The following NAA35 variants were observed in gnomAD, a reference collection of about 807,000 sequenced individuals.
NAA35 encodes N-alpha-acetyltransferase 35, NatC auxiliary subunit.
Under a neutral mutation model 101.7 loss-of-function variants are expected in NAA35, and 18 were observed. That is an observed-to-expected ratio of 0.18 (90% CI 0.12 to 0.26). The LOEUF (loss-of-function observed/expected upper bound fraction) is 0.26. NAA35 is among the 10% of genes least tolerant of loss of function. The pLI, the probability that NAA35 is intolerant of heterozygous loss-of-function variation, is 1.00. For missense variants in NAA35, 601 were observed against 886.8 expected (o/e 0.68, Z 4.09); for synonymous variants, 267 against 273.1 (o/e 0.98, Z 0.22).
intron 6 of NAA35, among the ~76,000 whole-genome samples, chr9:85,973,613 A>G (rs1370651905): frequency 6.6e-6 from 1 of 152,220 alleles, no homozygotes; most frequent in African/African-American, 2.4e-5. Flanking sequence ...AGTGCCATTT[A>G]GTGGTATGGT....
rs1027964774 is a variant in NAA35 at position 85,958,572 on chromosome 9, G to A, written c.259G>A (p.Glu87Lys). 3 of 1,608,604 alleles carry A rather than the reference G, an allele frequency of 1.9e-6. No homozygotes were observed. Among genetic ancestry groups the A allele is most frequent in the South Asian group, 2.2e-5 (2 of 90,470 alleles). ...AGTTAATCGAAAAGTTCTCAATTTT[G>A]AACAAGCTATCAAGGTAGTTACCAT... ...NQVNRKVLNF[E>K]QAIKDGTIKI... The change falls in exon 4 of 23, where the codon GAA becomes AAA. Residue 87 changes from glutamate (E) to lysine (K), a missense_variant. Transcript: ENST00000361671.
intron 13 of NAA35, among the ~76,000 whole-genome samples, chr9:86,006,858 A>G (rs1831666943): frequency 6.6e-6 from 1 of 152,248 alleles, no homozygotes; most frequent in South Asian, 2.1e-4. Flanking sequence ...ATTAAATACT[A>G]AAATACAGTG....
chr9:86,016,644 T>C lies in NAA35; in HGVS notation c.1674T>C (p.Arg558=). The change falls in exon 18 of 23, where the codon CGT becomes CGC. Residue 558 remains arginine (R), a synonymous_variant. Coordinates refer to ENST00000361671, the MANE Select transcript of NAA35 (RefSeq NM_024635.4). The part of the protein sequence containing the change: ...ERIMEEQQKG[R]SSKKTKKKKK... ...TAATGGAAGAGCAGCAGAAAGGCCG[T>C]AGTAGTAAAAAAACAAAGAAAAAAA... 1.2e-6 allele frequency: 2 copies of C among 1,613,600 alleles called. No homozygotes were observed. The highest frequency in any genetic ancestry group is 1.7e-6 in the Non-Finnish European group (2 of 1,179,880).
intron 11 of NAA35, among the ~76,000 whole-genome samples, chr9:85,984,954 A>G (rs1218225449): frequency 6.6e-6 from 1 of 152,230 alleles, no homozygotes; most frequent in Non-Finnish European, 1.5e-5. Context: ...TCTTACACCC[A>G]GGTTAAAAAA....
intron 11 of NAA35, among the ~76,000 whole-genome samples, chr9:85,978,739 C>A (rs1830317265): frequency 6.6e-6 from 1 of 152,092 alleles, no homozygotes; most frequent in Non-Finnish European, 1.5e-5. Context: ...AGGATGACAG[C>A]TGTTTCTCAA....
chr9:85,977,533 G>C, intron 10 of NAA35, 87 bp downstream of exon 10: 1 of 859,968 alleles, frequency 1.2e-6, no homozygotes, highest in Non-Finnish European at 2.0e-6. Context: ...CTTCTCCCTT[G>C]AAGTGCTCCT....
intron 11 of NAA35, among the ~76,000 whole-genome samples, chr9:85,979,146 A>T (rs1353297135): frequency 6.6e-6 from 1 of 152,108 alleles, no homozygotes; most frequent in Non-Finnish European, 1.5e-5. Flanking sequence ...GGCCATTTTT[A>T]CTTTCTGCAG....
At position 85,983,915 on chromosome 9, in the gene NAA35, A is replaced by G. The variant is rs115326537; in HGVS notation, c.877+5534A>G. ...GAAAAATAGGAAAGATAAAGATTAT[A>G]CTAGGCTTAGTCAAGAAAGGTCTAC... On this transcript the variant is annotated intron_variant, in intron 11 of 22. Transcript: ENST00000361671. 3.8e-3 allele frequency among the ~76,000 whole-genome samples: 574 copies of G among 152,190 alleles called. 6 individuals are homozygous for G. Among genetic ancestry groups the G allele is most frequent in the African/African-American group, 0.013 (529 of 41,524 alleles).
intron 20 of NAA35, 92 bp from the exon 21 acceptor site, chr9:86,018,607 T>G (rs927291173): frequency 1.4e-5 from 21 of 1,498,160 alleles, no homozygotes; most frequent in Admixed American, 2.0e-5. Context: ...TATGAGTGGA[T>G]AGAAAATGTA....
At chr9:85,958,077 G>A (rs1395821073) in intron 3 of NAA35, among the ~76,000 whole-genome samples, 2 of 152,006 alleles carry the variant, frequency 1.3e-5, no homozygotes, top group Non-Finnish European at 2.9e-5. Context: ...AAGTAGCTGG[G>A]ATTACAGACA....
intron 15 of NAA35, among the ~76,000 whole-genome samples, chr9:86,011,468 C>T (rs1831915095): frequency 1.3e-5 from 2 of 151,088 alleles, no homozygotes; most frequent in African/African-American, 4.8e-5. Flanking sequence ...AAGCAATCCT[C>T]CCACCTCAGC....
At chr9:85,981,771 T>C (rs1830450163) in intron 11 of NAA35, among the ~76,000 whole-genome samples, 1 of 152,228 alleles carries the variant, frequency 6.6e-6, no homozygotes, top group African/African-American at 2.4e-5. Context: ...AATTATCCCT[T>C]AATCATAAGC....
intron 4 of NAA35, among the ~76,000 whole-genome samples, chr9:85,959,376 C>CAA (rs397955563): frequency 4.8e-5 from 3 of 62,650 alleles, no homozygotes; most frequent in South Asian, 4.9e-4. Flanking sequence ...GACTCTGTCT[C>CAA]AAAAAAAAAA....
intron 6 of NAA35, among the ~76,000 whole-genome samples, chr9:85,963,050 G>T (rs553859453): frequency 6.6e-4 from 101 of 152,216 alleles, no homozygotes; most frequent in Non-Finnish European, 8.2e-4. Context: ...AAGGGAAAAT[G>T]TGATAGCATT....
At chr9:86,018,127 C>A in intron 19 of NAA35, 128 bp from the exon 20 acceptor site, 1 of 771,256 alleles carries the variant, frequency 1.3e-6, no homozygotes, top group Non-Finnish European at 2.0e-6. Flanking sequence ...AATTATATGT[C>A]CTCATTTCTT....
At chr9:86,021,127 T>A (rs1044941108) in intron 22 of NAA35, among the ~76,000 whole-genome samples, 158 bp downstream of exon 22, 1 of 152,212 alleles carries the variant, frequency 6.6e-6, no homozygotes, top group Non-Finnish European at 1.5e-5. Flanking sequence ...GCTTGCCATT[T>A]TGTCTTGAGA....
chr9:85,942,003 ATTC>A (rs1470352011), intron 1 of NAA35, 149 bp from the exon 2 acceptor site: 4 of 1,298,458 alleles, frequency 3.1e-6, no homozygotes, highest in Non-Finnish European at 4.1e-6. Flanking sequence ...CATTAAGGTT[ATTC>A]TTTGCAGTAC....
chr9:86,017,077 T>G (rs758094360), intron 18 of NAA35, among the ~76,000 whole-genome samples: 2 of 152,228 alleles, frequency 1.3e-5, no homozygotes, highest in Non-Finnish European at 2.9e-5. Flanking sequence ...CCAAGAACCA[T>G]GAGGACAGAG....
chr9:85,995,529 T>C (rs1831117030), intron 11 of NAA35, among the ~76,000 whole-genome samples: 8 of 152,064 alleles, frequency 5.3e-5, no homozygotes, highest in Admixed American at 5.2e-4. Flanking sequence ...AGAACAATTA[T>C]GGTTTATATA....
Sources: gnomAD v4.1 joint callset for allele counts (sites outside exome capture counted in the v4.1 genomes callset) on GRCh38, gnomAD v4.1.1 for gene constraint, MANE v1.5 for transcripts, NCBI Gene and HGNC (gene_info 2026-07-23, HGNC 2026-07-21) for gene names.